Variants in SMOC2 observed in about 807,000 individuals in gnomAD.
The protein encoded by SMOC2 is SPARC related modular calcium binding 2, also known as SPARC-related modular calcium-binding protein 2.
Under a neutral mutation model 61.4 loss-of-function variants are expected in SMOC2, and 39 were observed. The ratio of observed to expected loss-of-function variants is 0.64; its 90% CI spans 0.49 to 0.83. The LOEUF (loss-of-function observed/expected upper bound fraction) is 0.83. Among genes scored for constraint, SMOC2 ranks in the 40% least tolerant of loss-of-function variants. The pLI is 0.00. For missense variants in SMOC2, 556 were observed against 592.9 expected, an observed-to-expected ratio of 0.94 and a Z score of 0.65; for synonymous variants, 247 against 239.9, an observed-to-expected ratio of 1.03 and a Z score of -0.27.
chr6:168,608,477 T>C (rs549673503), intron 9 of SMOC2, among the ~76,000 whole-genome samples: 2 of 152,172 alleles, frequency 1.3e-5, no homozygotes, highest in East Asian at 3.9e-4. Flanking sequence ...AGGTCAGACA[T>C]GGAAGAGAAA....
chr6:168,599,848 A>G (rs1422264164), intron 8 of SMOC2, among the ~76,000 whole-genome samples: 1 of 124,026 alleles, frequency 8.1e-6, no homozygotes, highest in East Asian at 2.6e-4. Flanking sequence ...ACCCACAGTC[A>G]CACACAGTCT....
At chr6:168,443,007 C>T (rs1361512021) in intron 1 of SMOC2, among the ~76,000 whole-genome samples, 5 of 152,204 alleles carry the variant, frequency 3.3e-5, no homozygotes, top group Admixed American at 6.5e-5. Flanking sequence ...AATATACTCA[C>T]GTATACACTC....
At chr6:168,655,379 C>T (rs1787295105) in intron 11 of SMOC2, 1 of 456,390 alleles carries the variant, frequency 2.2e-6, no homozygotes, top group South Asian at 1.5e-5. Context: ...TGGGCCTGGC[C>T]TACCCAACCG....
chr6:168,550,427 G>A (rs1784105228), intron 7 of SMOC2, among the ~76,000 whole-genome samples: 2 of 152,164 alleles, frequency 1.3e-5, no homozygotes, highest in African/African-American at 4.8e-5. Context: ...AACCTGAAAA[G>A]GACCCTTGAG....
intron 7 of SMOC2, among the ~76,000 whole-genome samples, chr6:168,556,134 T>A (rs1471636311): frequency 6.6e-6 from 1 of 152,074 alleles, no homozygotes; most frequent in Non-Finnish European, 1.5e-5. Context: ...ACGGGGAAGC[T>A]GAAGTGTTCC....
intron 8 of SMOC2, among the ~76,000 whole-genome samples, chr6:168,606,062 C>A (rs1238065869): frequency 6.6e-6 from 1 of 152,136 alleles, no homozygotes; most frequent in Non-Finnish European, 1.5e-5. Context: ...CTCAGAGTGC[C>A]CTAGTTCTAC....
rs143565934 is a variant in SMOC2, at chr6:168,655,527, C to T, written c.1285+2299C>T. 34 of 416,818 alleles carry T rather than the reference C, an allele frequency of 8.2e-5. No individual in the cohort carries two copies. In the East Asian group the frequency reaches 1.2e-3, roughly 15 times the overall value. 25.8% of individuals were successfully genotyped at this position (416,818 alleles called of 1,614,324 possible). A position where few individuals can be genotyped will look rare whatever the true frequency, so the allele number is the denominator to read the frequency against. On this transcript the variant is annotated intron_variant, in intron 11 of 12. Transcript: ENST00000356284. ...GCATGCCCTGATCCCACTGCACATG[C>T]GTGCTAGATACTCCTGCATGTGTGT...
intron 9 of SMOC2, among the ~76,000 whole-genome samples, chr6:168,615,251 A>G (rs1338556407): frequency 2.3e-4 from 21 of 93,064 alleles, no homozygotes; most frequent in Admixed American, 5.4e-4. Context: ...ACCTACAGCC[A>G]GCACGGGGCC....
chr6:168,460,190 T>C (rs1480823215), intron 1 of SMOC2, among the ~76,000 whole-genome samples: 1 of 152,206 alleles, frequency 6.6e-6, no homozygotes, highest in Non-Finnish European at 1.5e-5. Context: ...AAGACCTATG[T>C]ATTTAAATGA....
chr6:168,556,540 A>C (rs1784257463), intron 7 of SMOC2, among the ~76,000 whole-genome samples: 1 of 150,910 alleles, frequency 6.6e-6, no homozygotes, highest in African/African-American at 2.4e-5. Flanking sequence ...TGCCTCCTCC[A>C]AAGCTCTCCC....
chr6:168,609,172 C>T (rs909460637), intron 9 of SMOC2, among the ~76,000 whole-genome samples: 8 of 152,266 alleles, frequency 5.3e-5, no homozygotes, highest in South Asian at 2.1e-4. Flanking sequence ...AAGCAGAGGG[C>T]GGAATGTGGT....
rs994872351 is a variant in SMOC2, at chr6:168,470,696, A to C, written c.84+29242A>C. Among the ~76,000 whole-genome samples, 5 of 152,246 alleles carry C rather than the reference A, an allele frequency of 3.3e-5. No homozygotes were observed. The East Asian group carries it at 9.7e-4, about 29-fold the overall frequency. The stretch of plus-strand genomic sequence containing the variant: ...CATCTGAAAAAAGTAAAATTAAATA[A>C]ATAAAAATTAAATTAAATTAAATAA... On this transcript the variant is annotated intron_variant, in intron 1 of 12. Transcript: ENST00000356284.
chr6:168,555,142 G>T (rs1348053094), intron 7 of SMOC2, among the ~76,000 whole-genome samples: 3 of 152,330 alleles, frequency 2.0e-5, no homozygotes, highest in African/African-American at 7.2e-5. Context: ...TCTCGGCCTC[G>T]CCCTCAAGTC....
chr6:168,480,435 A>G (rs191728099), intron 1 of SMOC2, among the ~76,000 whole-genome samples: 1 of 152,282 alleles, frequency 6.6e-6, no homozygotes, highest in East Asian at 1.9e-4. Context: ...ACCTAAAAGA[A>G]ATAAAGAAAT....
At chr6:168,627,808 G>T (rs1261313369) in intron 9 of SMOC2, among the ~76,000 whole-genome samples, 2 of 152,184 alleles carry the variant, frequency 1.3e-5, no homozygotes, top group South Asian at 2.1e-4. Context: ...TTCAAACTGT[G>T]CCTCCACTGG....
intron 1 of SMOC2, among the ~76,000 whole-genome samples, chr6:168,459,248 G>A (rs1171809248): frequency 1.3e-5 from 2 of 152,204 alleles, no homozygotes; most frequent in Non-Finnish European, 2.9e-5. Context: ...GCTCAAAGCC[G>A]GGGCGTGGGC....
At chr6:168,582,918 T>G (rs998674065) in intron 7 of SMOC2, among the ~76,000 whole-genome samples, 3 of 152,092 alleles carry the variant, frequency 2.0e-5, no homozygotes, top group African/African-American at 7.2e-5. Context: ...ACATGGACAC[T>G]GTGGCGCCCT....
Position 168,564,354 on chromosome 6 carries a change from C to T in SMOC2, c.637+15151C>T, listed in dbSNP as rs556495274. Among the ~76,000 whole-genome samples the T allele has an allele frequency of 5.3e-5, 8 of 152,172 alleles. No homozygotes were observed. In the South Asian group the frequency reaches 6.2e-4, roughly 12 times the overall value. The stretch of plus-strand genomic sequence containing the variant: ...GTTTATACACCACTGCACAAGTCCC[C>T]GTACAGTACATGATTCTAGGGCACT... On this transcript the variant is annotated intron_variant, in intron 7 of 12. Transcript: ENST00000356284.
chr6:168,580,304 T>C lies in SMOC2; in HGVS notation c.638-18514T>C, dbSNP rs550554634. On this transcript the variant is annotated intron_variant, in intron 7 of 12. Transcript: ENST00000356284. ...CAAACCCTGTTTTTTAGAACATACA[T>C]TTGAGTATGAGCTTCCTATAGTATC... 1.3e-4 allele frequency among the ~76,000 whole-genome samples: 20 copies of C among 152,320 alleles called. No individual in the cohort carries two copies. The South Asian group carries it at 4.1e-3, about 32-fold the overall frequency.
Sources: allele counts gnomAD v4.1 joint callset (sites outside exome capture counted in the v4.1 genomes callset), GRCh38; gene constraint gnomAD v4.1.1; transcripts MANE v1.5; gene names NCBI Gene and HGNC (gene_info 2026-07-23, HGNC 2026-07-21).